The following SHROOM3 variants were observed in gnomAD, a reference collection of about 807,000 sequenced individuals.
SHROOM3 encodes the protein protein Shroom3.
In SHROOM3, 47 loss-of-function variants were observed where a neutral mutation model predicts 138.6. The observed-to-expected ratio is 0.34, with a 90% CI of 0.27 to 0.43. SHROOM3 has a LOEUF of 0.43. SHROOM3 is among the 20% of genes least tolerant of loss of function. The pLI is 1.00. For synonymous variants in SHROOM3, 1,062 were observed against 1,063.3 expected (o/e 1.00, Z 0.02); for missense variants, 2,491 against 2,596.5 (o/e 0.96, Z 0.88).
chr4:76,676,995 G>A (rs1177103269), intron 2 of SHROOM3, among the ~76,000 whole-genome samples: 1 of 150,018 alleles, frequency 6.7e-6, no homozygotes, highest in African/African-American at 2.5e-5. Flanking sequence ...ATTTCTGACC[G>A]TTATAGCTTA....
intron 2 of SHROOM3, among the ~76,000 whole-genome samples, chr4:76,667,648 G>A (rs1209269740): frequency 6.6e-6 from 1 of 151,908 alleles, no homozygotes; most frequent in Non-Finnish European, 1.5e-5. Context: ...TGTTTAAAGG[G>A]GAAATGCTAA....
At chr4:76,512,157 A>T (rs1040568453) in intron 1 of SHROOM3, among the ~76,000 whole-genome samples, 4 of 152,188 alleles carry the variant, frequency 2.6e-5, no homozygotes, top group African/African-American at 9.6e-5. Context: ...GCCAAAGGTC[A>T]AGTTAAAGGA....
In SHROOM3 at chr4:76,471,005, T is replaced by A. The variant is rs188173914; in HGVS notation, c.168+34785T>A. Among the ~76,000 whole-genome samples, 242 of 152,052 alleles carry A rather than the reference T, an allele frequency of 1.6e-3. 6 individuals are homozygous for A. The highest frequency in any genetic ancestry group is 0.014 in the Admixed American group (216 of 15,274). Reference sequence around the variant, plus strand: ...ACAAAAATTAGGGGGTGTGTGTGTGTGAGAGAGAGAGATTGTGAGGAAAGG... The same window carrying A: ...ACAAAAATTAGGGGGTGTGTGTGTGAGAGAGAGAGAGATTGTGAGGAAAGG... On this transcript the variant is annotated intron_variant, in intron 1 of 10. Transcript: ENST00000296043.
intron 1 of SHROOM3, among the ~76,000 whole-genome samples, chr4:76,551,684 G>C (rs545396359): frequency 3.9e-4 from 59 of 152,196 alleles, no homozygotes; most frequent in African/African-American, 1.4e-3. Context: ...AAGGTGGGGA[G>C]GGGTGGGACT....
intron 2 of SHROOM3, among the ~76,000 whole-genome samples, chr4:76,673,195 C>A (rs1718938037): frequency 6.6e-6 from 1 of 152,062 alleles, no homozygotes; most frequent in Admixed American, 6.6e-5. Context: ...GAGTTGGGTT[C>A]CTTAAGCTTC....
intron 1 of SHROOM3, among the ~76,000 whole-genome samples, chr4:76,514,713 A>T (rs955156388): frequency 2.6e-5 from 4 of 152,228 alleles, no homozygotes; most frequent in African/African-American, 9.6e-5. Context: ...AACTTTATTC[A>T]ATAAATATAT....
chr4:76,587,515 G>A (rs1264042381), intron 2 of SHROOM3, among the ~76,000 whole-genome samples: 3 of 152,106 alleles, frequency 2.0e-5, no homozygotes, highest in Non-Finnish European at 4.4e-5. Context: ...AACAGCAATA[G>A]GGCAAACAGG....
At chr4:76,625,171 C>A (rs1300133177) in intron 2 of SHROOM3, among the ~76,000 whole-genome samples, 1 of 152,176 alleles carries the variant, frequency 6.6e-6, no homozygotes, top group Non-Finnish European at 1.5e-5. Flanking sequence ...TTCCAAACTA[C>A]AATAGCAGTA....
At chr4:76,678,746 C>A (rs781489470) in intron 2 of SHROOM3, among the ~76,000 whole-genome samples, 4 of 152,150 alleles carry the variant, frequency 2.6e-5, no homozygotes, top group African/African-American at 9.7e-5. Context: ...CTGCAACCTC[C>A]GCCTCCCAGG....
chr4:76,718,790 A>C (rs917871564), intron 3 of SHROOM3, among the ~76,000 whole-genome samples: 3 of 152,236 alleles, frequency 2.0e-5, no homozygotes, highest in African/African-American at 7.2e-5. Context: ...TCTGCCTCAC[A>C]CACACAAATG....
intron 1 of SHROOM3, among the ~76,000 whole-genome samples, chr4:76,547,557 A>AAGAC (rs1251734024): frequency 6.6e-6 from 1 of 152,200 alleles, no homozygotes; most frequent in Non-Finnish European, 1.5e-5. Context: ...AGCAGTAAAC[A>AAGAC]AGACAGACAC....
At chr4:76,659,801 T>G (rs1474259128) in intron 2 of SHROOM3, among the ~76,000 whole-genome samples, 20 of 152,162 alleles carry the variant, frequency 1.3e-4, no homozygotes, top group Admixed American at 1.3e-3. Context: ...AAGCTGGTCT[T>G]GAACTCCTGA....
intron 5 of SHROOM3, among the ~76,000 whole-genome samples, chr4:76,748,607 A>C (rs767425201): frequency 2.6e-5 from 4 of 152,196 alleles, no homozygotes; most frequent in Non-Finnish European, 5.9e-5. Context: ...AATGTAATAG[A>C]CTGTCCTTTC....
At chr4:76,531,901 G>A (rs892855870) in intron 1 of SHROOM3, among the ~76,000 whole-genome samples, 4 of 121,622 alleles carry the variant, frequency 3.3e-5, no homozygotes, top group South Asian at 3.1e-4. Flanking sequence ...TGCCTGCCAA[G>A]TTGCTCTTTT....
chr4:76,766,316 G>T (rs75519180), intron 9 of SHROOM3, among the ~76,000 whole-genome samples: 75 of 152,344 alleles, frequency 4.9e-4, no homozygotes, highest in African/African-American at 1.6e-3. Flanking sequence ...AGAAACAGAA[G>T]GTCAAGTGAC....
At chr4:76,619,433 G>T (rs927674537) in intron 2 of SHROOM3, among the ~76,000 whole-genome samples, 22 of 152,172 alleles carry the variant, frequency 1.4e-4, no homozygotes, top group Non-Finnish European at 2.9e-4. Flanking sequence ...CTTAAAGAGG[G>T]TTATTGACCA....
intron 3 of SHROOM3, among the ~76,000 whole-genome samples, chr4:76,719,271 T>A (rs1415809253): frequency 6.6e-6 from 1 of 152,264 alleles, no homozygotes; most frequent in African/African-American, 2.4e-5. Context: ...CTCCTAAGTT[T>A]TAGCAACATA....
chr4:76,672,679 T>C (rs1400931572), intron 2 of SHROOM3, among the ~76,000 whole-genome samples: 3 of 152,072 alleles, frequency 2.0e-5, no homozygotes, highest in Non-Finnish European at 4.4e-5. Context: ...TTCACACCAT[T>C]CTCCTGCCTC....
At chr4:76,442,955 C>T (rs893812869) in intron 1 of SHROOM3, among the ~76,000 whole-genome samples, 2 of 152,112 alleles carry the variant, frequency 1.3e-5, no homozygotes, top group Admixed American at 6.5e-5. Context: ...TAGAAGCTAC[C>T]TAGGCCAGTG....
Sources: allele counts gnomAD v4.1 joint callset (sites outside exome capture counted in the v4.1 genomes callset), GRCh38; gene constraint gnomAD v4.1.1; transcripts MANE v1.5; gene names NCBI Gene and HGNC (gene_info 2026-07-23, HGNC 2026-07-21).